The following MYH11 variants were observed in gnomAD, a reference collection of about 807,000 sequenced individuals.
MYH11 encodes the protein myosin-11.
In MYH11, 80 loss-of-function variants were observed where a neutral mutation model predicts 246.6. The observed-to-expected ratio is 0.32, with a 90% CI of 0.27 to 0.39. The LOEUF is 0.39. MYH11 is among the 10% of genes least tolerant of loss of function. The pLI, the probability that MYH11 is intolerant of heterozygous loss-of-function variation, is 1.00. For missense variants in MYH11, 2,158 were observed against 2,546.8 expected (o/e 0.85, Z 3.29); for synonymous variants, 1,071 against 1,015.5 (o/e 1.05, Z -1.04).
At chr16:15,800,966 G>A (rs564901789) in intron 3 of MYH11, among the ~76,000 whole-genome samples, 10 of 152,226 alleles carry the variant, frequency 6.6e-5, no homozygotes, top group African/African-American at 2.4e-4. Flanking sequence ...ACCACTTTGG[G>A]AGGCCAAGGA....
intron 9 of MYH11, among the ~76,000 whole-genome samples, chr16:15,765,390 A>T (rs1596802165): frequency 6.7e-6 from 1 of 149,808 alleles, no homozygotes; most frequent in Admixed American, 6.6e-5. Flanking sequence ...GACGATGGAT[A>T]GATGGATGGA....
At chr16:15,720,786 G>T in intron 33 of MYH11, 53 bp downstream of exon 33, 5 of 1,561,266 alleles carry the variant, frequency 3.2e-6, no homozygotes, top group Middle Eastern at 2.2e-4. Flanking sequence ...GTGGTGATAG[G>T]AATGAAAAAG....
chr16:15,814,758 C>G (rs1235137774), intron 3 of MYH11, among the ~76,000 whole-genome samples: 5 of 151,958 alleles, frequency 3.3e-5, no homozygotes, highest in African/African-American at 1.2e-4. Flanking sequence ...ATATAAGGCA[C>G]TGTTAGACCC....
chr16:15,757,820 C>T lies in MYH11; in HGVS notation c.1575+7G>A, dbSNP rs754750176. The T allele has an allele frequency of 9.0e-5, 146 of 1,614,062 alleles. No individual in the cohort carries two copies. Among genetic ancestry groups the T allele is most frequent in the Middle Eastern group, 6.6e-4 (4 of 6,062 alleles). On this transcript the variant is annotated splice_region_variant and intron_variant, in intron 13 of 40. Coordinates refer to ENST00000300036, the MANE Select transcript of MYH11 (RefSeq NM_002474.3). ...GACGGAGCCCCGCACGCCCACGTGC[C>T]CCTCACCGGTCGCTCGATGAGCTCG... is the stretch of plus-strand genomic sequence containing the variant.
chr16:15,798,110 AAT>A (rs1313526620), intron 4 of MYH11, among the ~76,000 whole-genome samples: 1 of 152,216 alleles, frequency 6.6e-6, no homozygotes, highest in Non-Finnish European at 1.5e-5. Flanking sequence ...AATATATATT[AAT>A]ATATGTTACT....
In MYH11 at chr16:15,747,891, G is replaced by C; in HGVS notation, c.2233C>G (p.Gln745Glu). The C allele has an allele frequency of 6.2e-7, 1 of 1,613,976 alleles. No individual in the cohort carries two copies. Among genetic ancestry groups the C allele is most frequent in the Admixed American group, 1.7e-5 (1 of 59,986 alleles). The part of the protein sequence containing the change: ...AIPKGFMDGK[Q>E]ACILMIKALE... ...GGGCTCACCATGAGAATGCAGGCCTGCTTCCCGTCCATGAAGCCTTTGGGG... is the reference window on the plus strand; with the variant it reads ...GGGCTCACCATGAGAATGCAGGCCTCCTTCCCGTCCATGAAGCCTTTGGGG... Residue 745 changes from glutamine (Q) to glutamate (E), a missense_variant, in exon 18 of 41, where the codon CAG becomes GAG. Gln to Glu is a conservative substitution (Grantham distance 29, BLOSUM62 2). Coordinates refer to ENST00000300036, the MANE Select transcript of MYH11 (RefSeq NM_002474.3).
At chr16:15,732,492 C>T in intron 27 of MYH11, 72 bp downstream of exon 27, 3 of 1,601,478 alleles carry the variant, frequency 1.9e-6, no homozygotes, top group East Asian at 2.2e-5. Context: ...CAGACCCTGA[C>T]CTGTAGTAAT....
At position 15,798,705 on chromosome 16, in the gene MYH11, A is replaced by G. The variant is rs993787475; in HGVS notation, c.503-18T>C. The G allele has an allele frequency of 5.0e-6, 8 of 1,613,350 alleles. No individual in the cohort carries two copies. Among genetic ancestry groups the G allele is most frequent in the East Asian group, 2.2e-5 (1 of 44,886 alleles). ...CTCCCGATCTGCAAACAGAAAGAAG[A>G]AAAAAGAGCCATGAATTAAAATGAG... is the stretch of plus-strand genomic sequence containing the variant. On this transcript the variant is annotated intron_variant, in intron 3 of 40. Transcript: ENST00000300036.
In MYH11 at chr16:15,821,690, G is replaced by A. The variant is rs188088977; in HGVS notation, c.502+1565C>T. ...TCCCAGCACTTTGGGAGGCCGAGGCGGGTGGATCATGAGGTCAGGAGATCG... is the reference window on the plus strand; with the variant it reads ...TCCCAGCACTTTGGGAGGCCGAGGCAGGTGGATCATGAGGTCAGGAGATCG... On this transcript the variant is annotated intron_variant, in intron 3 of 40. Coordinates refer to ENST00000300036, the MANE Select transcript of MYH11 (RefSeq NM_002474.3). Among the ~76,000 whole-genome samples, 482 of 148,088 alleles carry A rather than the reference G, an allele frequency of 3.3e-3. 1 individual carries two copies. The highest frequency in any genetic ancestry group is 4.5e-3 in the Non-Finnish European group (302 of 66,656).
intron 3 of MYH11, among the ~76,000 whole-genome samples, chr16:15,802,650 T>C (rs1348691779): frequency 6.6e-6 from 1 of 152,206 alleles, no homozygotes; most frequent in African/African-American, 2.4e-5. Flanking sequence ...GGTCTTGCTA[T>C]GTTGCCCAGG....
At position 15,796,369 on chromosome 16, in the gene MYH11, T is replaced by C. The variant is rs534826462; in HGVS notation, c.530+2291A>G. ...AAATGAGAGCAGGGTGGCCTCTTCT[T>C]CATCTTCACAGCCTCTCCATAAGCT... On this transcript the variant is annotated intron_variant, in intron 4 of 40. Transcript: ENST00000300036. Among the ~76,000 whole-genome samples, 3 of 152,294 alleles carry C rather than the reference T, an allele frequency of 2.0e-5. No individual in the cohort carries two copies. The South Asian group carries it at 6.2e-4, about 32-fold the overall frequency.
chr16:15,755,130 C>G (rs745554659), intron 14 of MYH11, among the ~76,000 whole-genome samples: 13 of 152,204 alleles, frequency 8.5e-5, no homozygotes, highest in Non-Finnish European at 1.5e-4. Flanking sequence ...ACTCTGTTGC[C>G]AGGCCCTGGT....
At chr16:15,739,292 G>T (rs971793283) in intron 23 of MYH11, among the ~76,000 whole-genome samples, 2 of 151,920 alleles carry the variant, frequency 1.3e-5, no homozygotes, top group Non-Finnish European at 2.9e-5. Flanking sequence ...GTAGAGATGG[G>T]GTTTTACCGT....
intron 3 of MYH11, 114 bp from the exon 4 acceptor site, chr16:15,798,801 C>G: frequency 8.7e-7 from 1 of 1,152,168 alleles, no homozygotes; most frequent in Non-Finnish European, 1.3e-6. Context: ...ATGCTGGCCT[C>G]ATTGGAAGTG....
In MYH11 at chr16:15,721,537, A is replaced by C. The variant is rs757872702; in HGVS notation, c.4463T>G (p.Leu1488Arg). 6.2e-7 allele frequency: 1 copy of C among 1,614,224 alleles called. No homozygotes were observed. Among genetic ancestry groups the C allele is most frequent in the Non-Finnish European group, 8.5e-7 (1 of 1,180,034 alleles). ...AREKETKALS[L>R]ARALEEALEA... is the part of the protein sequence containing the mutation. Reference sequence around the variant, plus strand: ...CAAGGCCTCTTCAAGGGCCCGAGCCAGGGACAGGGCCTTGGTTTCCTTCTC... The same window carrying C: ...CAAGGCCTCTTCAAGGGCCCGAGCCCGGGACAGGGCCTTGGTTTCCTTCTC... Residue 1488 changes from leucine to arginine, a missense_variant, in exon 32 of 41, where the codon CTG becomes CGG. This residue lies in a region of MYH11 where 1,013 missense variants were observed against 993.5 expected (regional missense o/e 1.02). Transcript: ENST00000300036.
intron 37 of MYH11, 85 bp downstream of exon 37, chr16:15,718,230 C>T: frequency 1.9e-6 from 3 of 1,595,388 alleles, no homozygotes; most frequent in South Asian, 1.1e-5. Context: ...ACACAGGAAG[C>T]CGCCACGCGT....
intron 4 of MYH11, among the ~76,000 whole-genome samples, chr16:15,787,263 C>A (rs1328355528): frequency 6.6e-6 from 1 of 151,754 alleles, no homozygotes; most frequent in Non-Finnish European, 1.5e-5. Context: ...GAAAAATTAA[C>A]CAGGCTTGGT....
chr16:15,773,346 G>A (rs1487902526), intron 8 of MYH11, among the ~76,000 whole-genome samples: 2 of 145,798 alleles, frequency 1.4e-5, no homozygotes, highest in African/African-American at 2.5e-5. Flanking sequence ...GGAGTGCAGT[G>A]GTGCGATATT....
At chr16:15,735,753 G>A (rs1480527837) in intron 25 of MYH11, among the ~76,000 whole-genome samples, 175 bp from the exon 26 acceptor site, 1 of 152,232 alleles carries the variant, frequency 6.6e-6, no homozygotes, top group African/African-American at 2.4e-5. Context: ...ATTAACATAG[G>A]ATGTGAGTGC....
Sources: allele counts gnomAD v4.1 joint callset (sites outside exome capture counted in the v4.1 genomes callset), GRCh38; gene constraint gnomAD v4.1.1; regional missense constraint gnomAD v4.1.1; transcripts MANE v1.5; gene names NCBI Gene and HGNC (gene_info 2026-07-23, HGNC 2026-07-21).